Variants in SLC22A16 observed in about 807,000 individuals in gnomAD.
The protein encoded by SLC22A16 is WUGSC:RG331P03.1.
In SLC22A16, 53 loss-of-function variants were observed where a neutral mutation model predicts 52.9. That is an observed-to-expected ratio of 1.00 (90% confidence interval 0.80 to 1.26). The LOEUF is 1.26. SLC22A16 is among the 50% of genes most tolerant of loss of function. SLC22A16 has a pLI of 0.00. For synonymous variants in SLC22A16, 291 were observed against 268.8 expected (o/e 1.08, Z -0.81); for missense variants, 726 against 704.0 (o/e 1.03, Z -0.35).
chr6:110,427,247 CAAAAAAAAAAAAA>C (rs71018390), intron 7 of SLC22A16, among the ~76,000 whole-genome samples: 1 of 60,600 alleles, frequency 1.7e-5, no homozygotes, highest in Admixed American at 1.9e-4. Flanking sequence ...GACCCAATCT[CAAAAAAAAAAAAA>C]AAAAGAAAAA....
intron 1 of SLC22A16, among the ~76,000 whole-genome samples, chr6:110,471,419 C>A (rs901878157): frequency 6.6e-6 from 1 of 152,204 alleles, no homozygotes; most frequent in Non-Finnish European, 1.5e-5. Flanking sequence ...CAAAATATAA[C>A]CCTACCCTAA....
chr6:110,474,505 T>C (rs575159134), intron 1 of SLC22A16, among the ~76,000 whole-genome samples: 4 of 152,368 alleles, frequency 2.6e-5, no homozygotes, highest in Admixed American at 2.6e-4. Flanking sequence ...CCCTTTTCCC[T>C]CCTGTAAGCT....
rs755017076 is a variant in SLC22A16 at position 110,442,573 on chromosome 6, C to G, written c.854G>C (p.Cys285Ser). ...AAAAGGTGTCTCTGGGAGCACCCAA[C>G]AGCACAGGATAAAGGGGACAGTCAC... The part of the protein sequence containing the change: ...STVTVPFILC[C>S]WVLPETPFWL... Residue 285 changes from cysteine (C) to serine (S), a missense_variant, in exon 4 of 8, where the codon TGT (cysteine) becomes TCT (serine). Transcript: ENST00000368919. The G allele has an allele frequency of 6.2e-7, 1 of 1,614,166 alleles. No individual in the cohort carries two copies. The highest frequency in any genetic ancestry group is 8.5e-7 in the Non-Finnish European group (1 of 1,180,036).
At chr6:110,466,124 T>G (rs750631342) in intron 1 of SLC22A16, among the ~76,000 whole-genome samples, 3 of 152,136 alleles carry the variant, frequency 2.0e-5, no homozygotes, top group Non-Finnish European at 2.9e-5. Context: ...TCTCACCATA[T>G]ACAAAAATTA....
At chr6:110,461,285 C>T (rs1479310601) in intron 1 of SLC22A16, among the ~76,000 whole-genome samples, 1 of 152,196 alleles carries the variant, frequency 6.6e-6, no homozygotes, top group Non-Finnish European at 1.5e-5. Flanking sequence ...TTCTCACAGA[C>T]CTCAGGAGTG....
intron 5 of SLC22A16, among the ~76,000 whole-genome samples, chr6:110,437,801 G>A (rs1028275329): frequency 4.0e-5 from 6 of 150,954 alleles, no homozygotes; most frequent in Non-Finnish European, 8.9e-5. Context: ...TTTGAGGGAC[G>A]CAGTTTGCCA....
intron 1 of SLC22A16, among the ~76,000 whole-genome samples, chr6:110,461,623 T>C (rs1029057306): frequency 2.6e-5 from 4 of 152,182 alleles, no homozygotes; most frequent in Non-Finnish European, 5.9e-5. Flanking sequence ...TCCACACTCC[T>C]AGCCCTACAG....
intron 4 of SLC22A16, among the ~76,000 whole-genome samples, chr6:110,439,748 T>C (rs1238709117): frequency 6.6e-6 from 1 of 152,220 alleles, no homozygotes; most frequent in Non-Finnish European, 1.5e-5. Context: ...AAAAAGAGGT[T>C]TCTAATATTT....
At chr6:110,456,490 G>A (rs779173458) in intron 2 of SLC22A16, 48 bp downstream of exon 2, 17 of 1,571,792 alleles carry the variant, frequency 1.1e-5, no homozygotes, top group Non-Finnish European at 1.5e-5. Context: ...AACCAGATAG[G>A]AAAATAAACC....
In SLC22A16 at chr6:110,438,710, G is replaced by C. The variant is rs952401669; in HGVS notation, c.1311+10C>G. 6.2e-7 allele frequency: 1 copy of C among 1,608,108 alleles called. No homozygotes were observed. Among genetic ancestry groups the C allele is most frequent in the African/African-American group, 1.3e-5 (1 of 74,642 alleles). ...TATAACTGTCTTATAAAAAACAGAA[G>C]ATAACTCACCTGGGGGATCACCATA... On this transcript the variant is annotated intron_variant, in intron 5 of 7. Coordinates refer to ENST00000368919, the MANE Select transcript of SLC22A16 (RefSeq NM_033125.4).
intron 3 of SLC22A16, among the ~76,000 whole-genome samples, chr6:110,445,730 AGAT>A (rs1161166264): frequency 6.6e-6 from 1 of 152,202 alleles, no homozygotes; most frequent in African/African-American, 2.4e-5. Flanking sequence ...GTCTTCCAAA[AGAT>A]GATGTTTATA....
In SLC22A16 at chr6:110,425,173, G is replaced by A. The variant is rs1196628971; in HGVS notation, c.1522-88C>T. On this transcript the variant is annotated intron_variant, in intron 7 of 7. Coordinates refer to ENST00000368919, the MANE Select transcript of SLC22A16 (RefSeq NM_033125.4). ...TAGAATTTCCTAACTGTTTTCAGAG[G>A]GTAATGGATTTGAATTTGACATAAC... is the stretch of plus-strand genomic sequence containing the variant. 9.0e-6 allele frequency: 14 copies of A among 1,559,942 alleles called. No homozygotes were observed. In the East Asian group the frequency reaches 1.8e-4, roughly 20 times the overall value.
Position 110,456,635 on chromosome 6 carries a change from G to C in SLC22A16, c.436C>G (p.Leu146Val). 10 of 1,614,188 alleles carry C rather than the reference G, an allele frequency of 6.2e-6. No individual in the cohort carries two copies. The South Asian group carries it at 1.1e-4, about 18-fold the overall frequency. The change falls in exon 2 of 8, where the codon CTG becomes GTG. Residue 146 changes from leucine (L) to valine (V), a missense_variant. By Grantham distance (32) the Leu-to-Val change is conservative. Coordinates refer to ENST00000368919, the MANE Select transcript of SLC22A16 (RefSeq NM_033125.4). The part of the protein sequence containing the change: ...WKSTAVTQWN[L>V]VCDRKWLAML... ...GCAAGCCATTTTCGGTCACAGACCA[G>C]GTTCCACTGGGTCACCGCAGTGCTT...
intron 4 of SLC22A16, 54 bp from the exon 5 acceptor site, chr6:110,438,901 G>A: frequency 5.0e-6 from 8 of 1,602,042 alleles, no homozygotes; most frequent in East Asian, 2.2e-5. Context: ...TGCAAAAGGG[G>A]ACCCCCGTCT....
chr6:110,458,261 C>A (rs1775743802), intron 1 of SLC22A16, among the ~76,000 whole-genome samples: 1 of 152,192 alleles, frequency 6.6e-6, no homozygotes, highest in Non-Finnish European at 1.5e-5. Flanking sequence ...ACACTCTTTA[C>A]CCTGCCCCCA....
intron 2 of SLC22A16, chr6:110,453,840 C>T: frequency 2.5e-6 from 1 of 392,682 alleles, no homozygotes; most frequent in Non-Finnish European, 5.0e-6. Flanking sequence ...AGGGTACTGG[C>T]TTCTTGCAAG....
chr6:110,434,388 G>A (rs1774632190), intron 6 of SLC22A16, among the ~76,000 whole-genome samples: 1 of 152,130 alleles, frequency 6.6e-6, no homozygotes, highest in African/African-American at 2.4e-5. Context: ...CAAGAAGTGT[G>A]GTTTACAAAG....
intron 1 of SLC22A16, among the ~76,000 whole-genome samples, chr6:110,463,628 C>T (rs917705800): frequency 2.6e-5 from 4 of 151,246 alleles, no homozygotes; most frequent in African/African-American, 9.7e-5. Context: ...ATCAGAGCAC[C>T]CAGATTTATA....
chr6:110,456,166 G>GT (rs1399241653), intron 2 of SLC22A16: 4 of 195,002 alleles, frequency 2.1e-5, no homozygotes, highest in Non-Finnish European at 4.2e-5. Flanking sequence ...GTAATAAACC[G>GT]TATCTATTGA....
Sources: allele counts gnomAD v4.1 joint callset (sites outside exome capture counted in the v4.1 genomes callset), GRCh38; gene constraint gnomAD v4.1.1; transcripts MANE v1.5; gene names NCBI Gene and HGNC (gene_info 2026-07-23, HGNC 2026-07-21).